The following DAGLB variants were observed in gnomAD, a reference collection of about 807,000 sequenced individuals.
DAGLB encodes diacylglycerol lipase-beta.
Under a neutral mutation model 72.1 loss-of-function variants are expected in DAGLB, and 66 were observed. The ratio of observed to expected loss-of-function variants is 0.92; its 90% CI spans 0.75 to 1.12. The LOEUF is 1.12. Among genes scored for constraint, DAGLB ranks in the 50% most tolerant of loss-of-function variants. The pLI is 0.00. For missense variants in DAGLB, 1,065 were observed against 884.9 expected (o/e 1.20, Z -2.58); for synonymous variants, 414 against 359.5 (o/e 1.15, Z -1.71).
intron 2 of DAGLB, among the ~76,000 whole-genome samples, chr7:6,436,824 C>T (rs1031180432): frequency 4.6e-5 from 7 of 151,922 alleles, no homozygotes; most frequent in African/African-American, 1.7e-4. Context: ...AACTGGTATA[C>T]TTCTGAGAGG....
chr7:6,432,803 G>T, intron 5 of DAGLB, 34 bp downstream of exon 5: 1 of 1,602,902 alleles, frequency 6.2e-7, no homozygotes, highest in Non-Finnish European at 8.5e-7. Context: ...AGGTGTAAGT[G>T]TCAGAACTGG....
chr7:6,437,211 C>A (rs1583299313), intron 2 of DAGLB, among the ~76,000 whole-genome samples: 1 of 150,528 alleles, frequency 6.6e-6, no homozygotes, highest in Admixed American at 6.6e-5. Flanking sequence ...TATGCTGAGA[C>A]AACAGGCACA....
chr7:6,422,517 A>C (rs1018549809), intron 8 of DAGLB: 1 of 155,684 alleles, frequency 6.4e-6, no homozygotes, highest in Non-Finnish European at 1.4e-5. Flanking sequence ...AGCTGTGATA[A>C]GAAACACAAA....
At position 6,426,129 on chromosome 7, in the gene DAGLB, A is replaced by G; in HGVS notation, c.930-15T>C. On this transcript the variant is annotated splice_polypyrimidine_tract_variant and intron_variant, in intron 6 of 14. Coordinates refer to ENST00000297056, the MANE Select transcript of DAGLB (RefSeq NM_139179.4). ...TGCTTCTGCAGCTAAAAAGAGGACA[A>G]AGACGTTACTATGCCGAACAGAGCC... 1 of 1,612,962 alleles carries G rather than the reference A, an allele frequency of 6.2e-7. No individual in the cohort carries two copies. Among genetic ancestry groups the G allele is most frequent in the Non-Finnish European group, 8.5e-7 (1 of 1,179,694 alleles).
At position 6,409,648 on chromosome 7, in the gene DAGLB, C is replaced by G; in HGVS notation, c.*189G>C. On this transcript the variant is annotated 3_prime_UTR_variant, in exon 15 of 15. Transcript: ENST00000297056. Reference sequence around the variant, plus strand: ...TATCACCTGAGCGTGCTCACTACTTCTGCTACCATTATGGCCACAATGACT... The same window carrying G: ...TATCACCTGAGCGTGCTCACTACTTGTGCTACCATTATGGCCACAATGACT... 1.4e-6 allele frequency: 1 copy of G among 714,090 alleles called. No homozygotes were observed. Among genetic ancestry groups the G allele is most frequent in the East Asian group, 2.8e-5 (1 of 36,280 alleles). The allele number at this position is 714,090 out of a possible 1,614,324, so 44.2% of individuals were successfully genotyped here. A position where few individuals can be genotyped will look rare whatever the true frequency, so the allele number is the denominator to read the frequency against.
At chr7:6,430,870 G>C (rs1331818679) in intron 5 of DAGLB, among the ~76,000 whole-genome samples, 2 of 151,880 alleles carry the variant, frequency 1.3e-5, no homozygotes, top group African/African-American at 4.8e-5. Context: ...CCGCCTCCCA[G>C]GTTCAAGCAA....
At chr7:6,433,894 T>G (rs1562486497) in intron 4 of DAGLB, among the ~76,000 whole-genome samples, 1 of 151,628 alleles carries the variant, frequency 6.6e-6, no homozygotes, top group Non-Finnish European at 1.5e-5. Context: ...ACTCAGCCAC[T>G]GAGCCATCAG....
intron 13 of DAGLB, among the ~76,000 whole-genome samples, chr7:6,410,890 T>G (rs1431503448): frequency 1.4e-5 from 2 of 145,050 alleles, no homozygotes; most frequent in African/African-American, 5.1e-5. Context: ...ATTTTTTTTT[T>G]TTTTTTTTTT....
chr7:6,446,799 A>T (rs537397534), intron 1 of DAGLB, among the ~76,000 whole-genome samples: 1 of 152,186 alleles, frequency 6.6e-6, no homozygotes, highest in Admixed American at 6.5e-5. Context: ...ACTTGAGCAC[A>T]AGAGTTGGAC....
At position 6,424,746 on chromosome 7, in the gene DAGLB, CG is replaced by C. The variant is rs1784248827; in HGVS notation, c.1140+5del. The C allele has an allele frequency of 6.2e-7, 1 of 1,613,100 alleles. No homozygotes were observed. Among genetic ancestry groups the C allele is most frequent in the Non-Finnish European group, 8.5e-7 (1 of 1,179,590 alleles). On this transcript the variant is annotated splice_donor_5th_base_variant and intron_variant, in intron 8 of 14. Coordinates refer to ENST00000297056, the MANE Select transcript of DAGLB (RefSeq NM_139179.4). ...CCAGGGCTGGAAAGTCAGGTTCCAA[CG>C]TTACCTGCAGAGACATGGTCCCCCT...
intron 6 of DAGLB, among the ~76,000 whole-genome samples, chr7:6,428,668 G>C (rs1308067502): frequency 6.6e-6 from 1 of 152,010 alleles, no homozygotes; most frequent in Non-Finnish European, 1.5e-5. Context: ...TGTATTTTTA[G>C]TAGAGACGGG....
Position 6,424,884 on chromosome 7 carries a change from C to A in DAGLB, c.1057-49G>T. 4.4e-6 allele frequency: 7 copies of A among 1,588,774 alleles called. No homozygotes were observed. The Middle Eastern group carries it at 5.0e-4, about 113-fold the overall frequency. ...GGGGCCTAAACAGTGAACACACGCA[C>A]CAGCACGCAAAGTCGGAGCCCTGCA... On this transcript the variant is annotated intron_variant, in intron 7 of 14. Transcript: ENST00000297056.
chr7:6,439,962 G>C lies in DAGLB; in HGVS notation c.248-3429C>G, dbSNP rs6463556. On this transcript the variant is annotated intron_variant, in intron 2 of 14. Transcript: ENST00000297056. ...AGCTACTCGGGAGGCTGAGGCAGGAGAATCGGTCGAACCCAAGAGGTAGAG... is the reference window on the plus strand; with the variant it reads ...AGCTACTCGGGAGGCTGAGGCAGGACAATCGGTCGAACCCAAGAGGTAGAG... Among the ~76,000 whole-genome samples the C allele has an allele frequency of 1.8e-3, 266 of 149,804 alleles. 1 individual carries two copies. Among genetic ancestry groups the C allele is most frequent in the African/African-American group, 5.9e-3 (241 of 40,864 alleles).
In DAGLB at chr7:6,409,690, C is replaced by A. The variant is rs1783651638; in HGVS notation, c.*147G>T. On this transcript the variant is annotated 3_prime_UTR_variant, in exon 15 of 15. Coordinates refer to ENST00000297056, the MANE Select transcript of DAGLB (RefSeq NM_139179.4). Reference sequence around the variant, plus strand: ...ACAATGACTTCCCATAAACTTAAGTCATTGAGACCATGGAATTCTGTTCCC... The same window carrying A: ...ACAATGACTTCCCATAAACTTAAGTAATTGAGACCATGGAATTCTGTTCCC... 4.1e-5 allele frequency: 39 copies of A among 954,790 alleles called. No individual in the cohort carries two copies. The highest frequency in any genetic ancestry group is 6.0e-5 in the Non-Finnish European group (39 of 653,124). The allele number at this position is 954,790 out of a possible 1,614,324, so 59.1% of individuals were successfully genotyped here. A position where few individuals can be genotyped will look rare whatever the true frequency, so the allele number is the denominator to read the frequency against.
In DAGLB at chr7:6,436,443, G is replaced by C; in HGVS notation, c.338C>G (p.Ser113Cys). 1.2e-6 allele frequency: 2 copies of C among 1,614,140 alleles called. No homozygotes were observed. The highest frequency in any genetic ancestry group is 2.2e-5 in the East Asian group (1 of 44,880). ...ALFFPEMVWA[S>C]LGAAWVADGV... is the part of the protein sequence containing the mutation. ...ATCTGCCACCCAGGCAGCCCCCAGA[G>C]AGGCCCAGACCATCTCTGGAAAAAA... is the stretch of plus-strand genomic sequence containing the variant. Residue 113 changes from serine (S) to cysteine (C), a missense_variant, in exon 3 of 15, where the codon TCT becomes TGT. Coordinates refer to ENST00000297056, the MANE Select transcript of DAGLB (RefSeq NM_139179.4).
intron 1 of DAGLB, among the ~76,000 whole-genome samples, chr7:6,447,537 C>T (rs1333387323): frequency 6.6e-6 from 1 of 152,208 alleles, no homozygotes; most frequent in Non-Finnish European, 1.5e-5. Context: ...AGCCCACACA[C>T]TCTGGGGGCT....
At position 6,433,012 on chromosome 7, in the gene DAGLB, G is replaced by A. The variant is rs544643390; in HGVS notation, c.679-53C>T. The A allele has an allele frequency of 6.1e-5, 96 of 1,583,900 alleles. 3 individuals are homozygous for A. In the South Asian group the frequency reaches 9.7e-4, roughly 16 times the overall value. On this transcript the variant is annotated intron_variant, in intron 4 of 14. Transcript: ENST00000297056. ...ATAAAACCCAGCAGGCACCACCCCC[G>A]GGTTCCCTAAAATCCAGTCTTCTAT...
At chr7:6,447,270 G>T (rs11764555) in intron 1 of DAGLB, among the ~76,000 whole-genome samples, 3,148 of 152,332 alleles carry the variant, frequency 0.021, 42 homozygotes, top group Middle Eastern at 0.034. Flanking sequence ...GAGCCTGTCT[G>T]CTTCTCACGA....
At chr7:6,424,960 G>T in intron 7 of DAGLB, 125 bp from the exon 8 acceptor site, 3 of 856,476 alleles carry the variant, frequency 3.5e-6, no homozygotes, top group Non-Finnish European at 5.7e-6. Flanking sequence ...AGGGGACACC[G>T]CCTCTCCACT....
Sources: gnomAD v4.1 joint callset for allele counts (sites outside exome capture counted in the v4.1 genomes callset) on GRCh38, gnomAD v4.1.1 for gene constraint, MANE v1.5 for transcripts, NCBI Gene and HGNC (gene_info 2026-07-23, HGNC 2026-07-21) for gene names.